EPB41L2: variants seen among roughly 807,000 people sequenced by gnomAD.
EPB41L2 encodes the protein band 4.1-like protein 2.
In EPB41L2, 43 loss-of-function variants were observed where a neutral mutation model predicts 113.0. That is an observed-to-expected ratio of 0.38 (90% CI 0.30 to 0.49). The LOEUF is 0.49. Among genes scored for constraint, EPB41L2 ranks in the 20% least tolerant of loss-of-function variants. The pLI is 0.95. For missense variants in EPB41L2, 1,147 were observed against 1,223.4 expected (o/e 0.94, Z 0.93); for synonymous variants, 442 against 436.7 (o/e 1.01, Z -0.15).
chr6:130,955,187 G>A lies in EPB41L2; in HGVS notation c.623C>T (p.Ser208Phe). ...TTTGGTCTTCTTGGTGACTTTTTGA[G>A]ATGCCTTCTCTGCTTTCAGCTCATT... Reference protein sequence around the residue: ...QTNELKAEKASQKVTKKTKTV... With the variant: ...QTNELKAEKAFQKVTKKTKTV... The change falls in exon 3 of 20, where the codon TCT (serine) becomes TTT (phenylalanine). Residue 208 changes from serine (S) to phenylalanine (F), a missense_variant. Coordinates refer to ENST00000337057, the MANE Select transcript of EPB41L2 (RefSeq NM_001431.4). The A allele has an allele frequency of 6.2e-7, 1 of 1,614,116 alleles. No individual in the cohort carries two copies. The highest frequency in any genetic ancestry group is 8.5e-7 in the Non-Finnish European group (1 of 1,180,024).
chr6:130,948,905 C>T (rs1813863181), intron 3 of EPB41L2, among the ~76,000 whole-genome samples: 1 of 152,052 alleles, frequency 6.6e-6, no homozygotes. Flanking sequence ...ACAGGAATAC[C>T]AAGAGAAATT....
intron 19 of EPB41L2, 132 bp downstream of exon 19, chr6:130,857,999 G>A (rs1780816766): frequency 1.4e-6 from 1 of 725,198 alleles, no homozygotes. Context: ...ACCTGGGGAT[G>A]ATAACAGTCT....
chr6:131,017,879 C>T (rs1788590167), intron 1 of EPB41L2, among the ~76,000 whole-genome samples: 1 of 152,178 alleles, frequency 6.6e-6, no homozygotes, highest in Admixed American at 6.5e-5. Flanking sequence ...TGCCTAACTA[C>T]TAGTGAGACT....
At chr6:130,913,564 T>C (rs891549452) in intron 4 of EPB41L2, among the ~76,000 whole-genome samples, 2 of 152,190 alleles carry the variant, frequency 1.3e-5, no homozygotes, top group African/African-American at 4.8e-5. Flanking sequence ...GACTGATATA[T>C]GCCCCTTGCT....
intron 1 of EPB41L2, among the ~76,000 whole-genome samples, chr6:130,976,944 T>C (rs963591917): frequency 1.6e-4 from 24 of 152,092 alleles, no homozygotes; most frequent in African/African-American, 5.6e-4. Flanking sequence ...GTCAGACACA[T>C]AAACAAATCA....
At chr6:131,044,926 G>A (rs1795124681) in intron 1 of EPB41L2, among the ~76,000 whole-genome samples, 1 of 152,136 alleles carries the variant, frequency 6.6e-6, no homozygotes, top group South Asian at 2.1e-4. Context: ...GTAAGGTTAA[G>A]AACTAATTTG....
chr6:130,869,535 T>C (rs1349840855), intron 15 of EPB41L2, 28 bp downstream of exon 15: 1 of 1,600,208 alleles, frequency 6.2e-7, no homozygotes, highest in African/African-American at 1.3e-5. Flanking sequence ...GCTCTAGAGT[T>C]TGGCTCCCAC....
intron 1 of EPB41L2, among the ~76,000 whole-genome samples, chr6:131,000,453 C>T (rs1216706967): frequency 6.6e-6 from 1 of 152,168 alleles, no homozygotes; most frequent in Non-Finnish European, 1.5e-5. Flanking sequence ...GGAAATCTGA[C>T]CAACGCAACT....
intron 14 of EPB41L2, chr6:130,876,612 G>A: frequency 3.9e-6 from 4 of 1,033,894 alleles, no homozygotes; most frequent in Non-Finnish European, 3.9e-6. Context: ...TTATGGCTGT[G>A]GATAGAAACA....
In EPB41L2 at chr6:130,857,008, G is replaced by A. The variant is rs143014283; in HGVS notation, c.*5+1123C>T. 4.6e-5 allele frequency among the ~76,000 whole-genome samples: 7 copies of A among 152,086 alleles called. No homozygotes were observed. In the East Asian group the frequency reaches 1.2e-3, roughly 25 times the overall value. On this transcript the variant is annotated intron_variant, in intron 19 of 19. Coordinates refer to ENST00000337057, the MANE Select transcript of EPB41L2 (RefSeq NM_001431.4). The stretch of plus-strand genomic sequence containing the variant: ...TTTATACAAATATAAATATTAAAAT[G>A]TGACAAATACCCTTGTAGGTGAATA...
intron 1 of EPB41L2, among the ~76,000 whole-genome samples, chr6:130,980,663 C>G (rs1412995727): frequency 6.6e-6 from 1 of 152,030 alleles, no homozygotes; most frequent in Non-Finnish European, 1.5e-5. Context: ...GCACTAGGCT[C>G]CAGCAGACCA....
intron 1 of EPB41L2, among the ~76,000 whole-genome samples, chr6:130,969,307 A>T (rs1456407123): frequency 1.3e-5 from 2 of 152,198 alleles, no homozygotes; most frequent in Non-Finnish European, 2.9e-5. Context: ...GAGCATCCCT[A>T]ACAGTGTCAA....
At chr6:131,036,418 T>C (rs1027265250) in intron 1 of EPB41L2, among the ~76,000 whole-genome samples, 4 of 151,868 alleles carry the variant, frequency 2.6e-5, no homozygotes, top group Middle Eastern at 3.4e-3. Context: ...AATAATAGCA[T>C]CTTAAAGAGC....
At chr6:130,891,377 A>T (rs12206057) in intron 10 of EPB41L2, among the ~76,000 whole-genome samples, 43,700 of 151,972 alleles carry the variant, frequency 0.29, 8,313 homozygotes, top group African/African-American at 0.53. Context: ...GAATGGTGAC[A>T]GGCTCTATTA....
At chr6:130,873,226 G>A (rs914160245) in intron 14 of EPB41L2, among the ~76,000 whole-genome samples, 3 of 152,048 alleles carry the variant, frequency 2.0e-5, no homozygotes, top group African/African-American at 7.2e-5. Context: ...ATTCAAAATA[G>A]GAAGACAAAC....
intron 4 of EPB41L2, among the ~76,000 whole-genome samples, chr6:130,926,144 C>G (rs1213268128): frequency 6.6e-6 from 1 of 152,196 alleles, no homozygotes; most frequent in Non-Finnish European, 1.5e-5. Flanking sequence ...CAGAATCGTT[C>G]CAATGTGCCG....
intron 11 of EPB41L2, among the ~76,000 whole-genome samples, chr6:130,885,744 C>T (rs1187752807): frequency 2.0e-5 from 3 of 151,846 alleles, no homozygotes; most frequent in Non-Finnish European, 4.4e-5. Context: ...ATTTGAATAC[C>T]CTTCAAAAGA....
intron 19 of EPB41L2, among the ~76,000 whole-genome samples, chr6:130,846,334 C>T (rs1777036241): frequency 6.6e-6 from 1 of 152,162 alleles, no homozygotes; most frequent in Non-Finnish European, 1.5e-5. Flanking sequence ...TCAGTTTTGA[C>T]TTATGATAAA....
intron 1 of EPB41L2, among the ~76,000 whole-genome samples, chr6:131,051,943 C>CT (rs35129658): frequency 0.77 from 111,876 of 144,498 alleles, 43,441 homozygotes; most frequent in East Asian, 0.87. Context: ...TTTTTTTTTT[C>CT]TTTTTTTTTT....
Sources: gnomAD v4.1 joint callset for allele counts (sites outside exome capture counted in the v4.1 genomes callset) on GRCh38, gnomAD v4.1.1 for gene constraint, MANE v1.5 for transcripts, NCBI Gene and HGNC (gene_info 2026-07-23, HGNC 2026-07-21) for gene names.